Variants in GRIN2A observed in about 807,000 individuals in gnomAD.
The protein encoded by GRIN2A is glutamate receptor ionotropic, NMDA 2A.
In GRIN2A, 22 loss-of-function variants were observed where a neutral mutation model predicts 113.4. The ratio of observed to expected loss-of-function variants is 0.19; its 90% CI spans 0.14 to 0.28. The LOEUF is 0.28. GRIN2A is among the 10% of genes least tolerant of loss of function. GRIN2A has a pLI of 1.00. For missense variants in GRIN2A, 1,502 were observed against 1,887.0 expected (o/e 0.80, Z 3.78); for synonymous variants, 827 against 738.4 (o/e 1.12, Z -1.94).
chr16:9,962,323 G>A (rs1220042363), intron 2 of GRIN2A, among the ~76,000 whole-genome samples: 3 of 152,042 alleles, frequency 2.0e-5, no homozygotes, highest in Non-Finnish European at 4.4e-5. Flanking sequence ...GAGTGAACAG[G>A]CAACCTACAG....
In GRIN2A at chr16:9,938,520, G is replaced by A. The variant is rs1348316426; in HGVS notation, c.446C>T (p.Ala149Val). 15 of 1,608,170 alleles carry A rather than the reference G, an allele frequency of 9.3e-6. No individual in the cohort carries two copies. Among genetic ancestry groups the A allele is most frequent in the East Asian group, 6.7e-5 (3 of 44,852 alleles). Residue 149 changes from alanine to valine, a missense_variant, in exon 3 of 13, where the codon GCG (alanine) becomes GTG (valine). This residue lies in a region of GRIN2A where 334 missense variants were observed against 403.0 expected (regional missense o/e 0.83). Coordinates refer to ENST00000330684, the MANE Select transcript of GRIN2A (RefSeq NM_001134407.3). ...GACCGTGGCTTGCTGCTGGATGGAC[G>A]CTCCAAACTGGAAGAAGGTAGACGT... ...DPTSTFFQFG[A>V]SIQQQATVML...
At chr16:10,119,601 G>A (rs1292059682) in intron 2 of GRIN2A, among the ~76,000 whole-genome samples, 2 of 152,168 alleles carry the variant, frequency 1.3e-5, no homozygotes. Context: ...AGGTTCAGGG[G>A]TACATGTGCA....
intron 2 of GRIN2A, among the ~76,000 whole-genome samples, chr16:10,145,982 G>T (rs1263849486): frequency 6.6e-6 from 1 of 152,162 alleles, no homozygotes; most frequent in Non-Finnish European, 1.5e-5. Flanking sequence ...CCTCTCTTTA[G>T]AGAAATTAAT....
In GRIN2A at chr16:9,760,850, T is replaced by C; in HGVS notation, c.*2299A>G. The C allele has an allele frequency of 4.3e-6, 1 of 231,656 alleles. No individual in the cohort carries two copies. The highest frequency in any genetic ancestry group is 8.5e-6 in the Non-Finnish European group (1 of 117,260). 14.4% of individuals were successfully genotyped at this position (231,656 alleles called of 1,614,324 possible). On this transcript the variant is annotated 3_prime_UTR_variant, in exon 13 of 13. Coordinates refer to ENST00000330684, the MANE Select transcript of GRIN2A (RefSeq NM_001134407.3). ...GAAATGGAGGCGATCCTTGCTGGGGTGGATTAAGGTCTGGAATGCACTGGA... is the reference window on the plus strand; with the variant it reads ...GAAATGGAGGCGATCCTTGCTGGGGCGGATTAAGGTCTGGAATGCACTGGA...
intron 2 of GRIN2A, among the ~76,000 whole-genome samples, chr16:10,097,274 A>C (rs1355268482): frequency 2.6e-5 from 4 of 152,214 alleles, no homozygotes; most frequent in Non-Finnish European, 5.9e-5. Context: ...GTTGCTTTTT[A>C]AAAATAAATG....
chr16:9,820,518 T>C (rs1053318456), intron 10 of GRIN2A, among the ~76,000 whole-genome samples: 1 of 152,210 alleles, frequency 6.6e-6, no homozygotes, highest in Non-Finnish European at 1.5e-5. Flanking sequence ...AATAGGACAT[T>C]ACCCAAATGT....
chr16:9,930,201 G>A (rs984895354), intron 3 of GRIN2A, among the ~76,000 whole-genome samples: 1 of 152,144 alleles, frequency 6.6e-6, no homozygotes, highest in Non-Finnish European at 1.5e-5. Context: ...CTCTAGTCCA[G>A]GAGAGGAGGA....
intron 2 of GRIN2A, among the ~76,000 whole-genome samples, chr16:9,973,439 T>A (rs1478579781): frequency 6.6e-6 from 1 of 152,192 alleles, no homozygotes; most frequent in Non-Finnish European, 1.5e-5. Context: ...TGCCATGATT[T>A]CTCAGTTATA....
At chr16:10,010,700 G>C (rs1467600947) in intron 2 of GRIN2A, among the ~76,000 whole-genome samples, 1 of 152,136 alleles carries the variant, frequency 6.6e-6, no homozygotes, top group South Asian at 2.1e-4. Context: ...GCTCAGAGAG[G>C]AGGAGAGGAG....
At chr16:10,027,293 T>C (rs760413880) in intron 2 of GRIN2A, among the ~76,000 whole-genome samples, 19 of 152,206 alleles carry the variant, frequency 1.2e-4, no homozygotes, top group Non-Finnish European at 2.4e-4. Flanking sequence ...GAACAGACTT[T>C]TCCAAGCTCT....
intron 2 of GRIN2A, among the ~76,000 whole-genome samples, chr16:10,018,513 T>C (rs955223417): frequency 1.3e-5 from 2 of 152,200 alleles, no homozygotes; most frequent in African/African-American, 4.8e-5. Flanking sequence ...AATTCTAGCC[T>C]GACCTTCTTA....
chr16:10,073,384 A>C (rs1037919247), intron 2 of GRIN2A, among the ~76,000 whole-genome samples: 1 of 152,144 alleles, frequency 6.6e-6, no homozygotes, highest in Non-Finnish European at 1.5e-5. Context: ...GTGTTTTACC[A>C]CATGCTGATA....
intron 3 of GRIN2A, among the ~76,000 whole-genome samples, chr16:9,915,477 GA>G (rs1297837952): frequency 3.3e-5 from 5 of 152,288 alleles, no homozygotes; most frequent in Non-Finnish European, 2.9e-5. Context: ...TTTATGGTAA[GA>G]TTATTTATCA....
intron 2 of GRIN2A, among the ~76,000 whole-genome samples, chr16:10,020,139 T>G (rs1214418134): frequency 6.6e-6 from 1 of 152,128 alleles, no homozygotes; most frequent in Non-Finnish European, 1.5e-5. Context: ...ATGGGCCAGG[T>G]GCAGTGGCTC....
chr16:9,987,998 A>G (rs780247798), intron 2 of GRIN2A, among the ~76,000 whole-genome samples: 7 of 152,192 alleles, frequency 4.6e-5, no homozygotes, highest in South Asian at 2.1e-4. Flanking sequence ...TAATTCTCAC[A>G]GCAACCATTT....
intron 7 of GRIN2A, among the ~76,000 whole-genome samples, chr16:9,839,776 T>C (rs910486755): frequency 8.5e-5 from 13 of 152,202 alleles, no homozygotes; most frequent in Non-Finnish European, 4.4e-5. Context: ...TCTGAATATG[T>C]GATCATATTT....
chr16:10,018,976 C>T (rs2046663343), intron 2 of GRIN2A, among the ~76,000 whole-genome samples: 1 of 151,936 alleles, frequency 6.6e-6, no homozygotes, highest in Non-Finnish European at 1.5e-5. Context: ...TCCCCCAAAC[C>T]TCAAGAAAAA....
intron 2 of GRIN2A, among the ~76,000 whole-genome samples, chr16:10,157,914 G>T (rs1223384630): frequency 1.3e-5 from 2 of 151,960 alleles, no homozygotes; most frequent in East Asian, 3.9e-4. Context: ...TTGTTAGTTT[G>T]CTGTTATCTT....
At chr16:9,892,125 G>C (rs2043706297) in intron 3 of GRIN2A, among the ~76,000 whole-genome samples, 1 of 152,122 alleles carries the variant, frequency 6.6e-6, no homozygotes, top group African/African-American at 2.4e-5. Context: ...CAGCTACTCA[G>C]AAGGCTGAGG....
Sources: allele counts gnomAD v4.1 joint callset (sites outside exome capture counted in the v4.1 genomes callset), GRCh38; gene constraint gnomAD v4.1.1; regional missense constraint gnomAD v4.1.1; transcripts MANE v1.5; gene names NCBI Gene and HGNC (gene_info 2026-07-23, HGNC 2026-07-21).